The following ACYP2 variants were observed in gnomAD, a reference collection of about 807,000 sequenced individuals.
ACYP2 encodes the protein acylphosphatase 2.
Under a neutral mutation model 11.2 loss-of-function variants are expected in ACYP2, and 12 were observed. The ratio of observed to expected loss-of-function variants is 1.08; its 90% CI spans 0.69 to 1.74. The LOEUF (loss-of-function observed/expected upper bound fraction) is 1.74, where lower values mean the gene tolerates loss of function less well. Ranked by LOEUF, ACYP2 falls within the 40% of genes most tolerant of loss-of-function variation. ACYP2 has a pLI of 0.00. For synonymous variants in ACYP2, 43 were observed against 32.2 expected (o/e 1.33, Z -1.13); for missense variants, 134 against 101.9 (o/e 1.31, Z -1.35).
intron 6 of ACYP2, among the ~76,000 whole-genome samples, chr2:54,167,795 G>T (rs1683057610): frequency 6.6e-6 from 1 of 152,204 alleles, no homozygotes; most frequent in African/African-American, 2.4e-5. Context: ...TCAGAGGGAA[G>T]AGAGTTGTGT....
intron 6 of ACYP2, among the ~76,000 whole-genome samples, chr2:54,248,125 A>G (rs1453988296): frequency 6.6e-6 from 1 of 152,150 alleles, no homozygotes; most frequent in Non-Finnish European, 1.5e-5. Flanking sequence ...TTGCAAAGCA[A>G]CTCATTTATC....
chr2:54,240,171 C>T (rs778306023), intron 6 of ACYP2, among the ~76,000 whole-genome samples: 3 of 152,138 alleles, frequency 2.0e-5, no homozygotes. Flanking sequence ...ACTGAGAATG[C>T]CCATAGAGTC....
At chr2:54,099,225 G>T (rs977581634) in intron 4 of ACYP2, among the ~76,000 whole-genome samples, 6 of 152,176 alleles carry the variant, frequency 3.9e-5, no homozygotes, top group South Asian at 2.1e-4. Flanking sequence ...ATATGTTGCA[G>T]AATGGCCAAA....
intron 2 of ACYP2, among the ~76,000 whole-genome samples, chr2:53,978,851 A>G (rs1328625395): frequency 6.6e-6 from 1 of 152,186 alleles, no homozygotes; most frequent in Non-Finnish European, 1.5e-5. Context: ...TAAGCCTGGG[A>G]GGCAGAGGTT....
chr2:54,216,960 G>C (rs371802802), intron 6 of ACYP2, among the ~76,000 whole-genome samples: 1 of 152,158 alleles, frequency 6.6e-6, no homozygotes, highest in African/African-American at 2.4e-5. Context: ...ATGATTACTA[G>C]TGCAAATATA....
intron 4 of ACYP2, among the ~76,000 whole-genome samples, chr2:54,108,221 ACT>A (rs1572769398): frequency 6.6e-6 from 1 of 152,124 alleles, no homozygotes; most frequent in Admixed American, 6.5e-5. Context: ...GCTGGTGGAA[ACT>A]CTATCACATG....
At chr2:54,097,440 C>T (rs1037825190) in intron 4 of ACYP2, among the ~76,000 whole-genome samples, 8 of 152,272 alleles carry the variant, frequency 5.3e-5, no homozygotes, top group African/African-American at 1.7e-4. Context: ...GCCAGCACCA[C>T]TGTTCCCCAA....
At chr2:54,048,272 A>G (rs1675632890) in intron 2 of ACYP2, among the ~76,000 whole-genome samples, 1 of 152,058 alleles carries the variant, frequency 6.6e-6, no homozygotes, top group African/African-American at 2.4e-5. Flanking sequence ...TGAAAATAAA[A>G]AAAAGTCAGC....
intron 2 of ACYP2, among the ~76,000 whole-genome samples, chr2:53,979,679 A>G (rs1472990303): frequency 6.6e-6 from 1 of 151,948 alleles, no homozygotes; most frequent in African/African-American, 2.4e-5. Flanking sequence ...TCTGTACAGC[A>G]GTACAATGTG....
intron 6 of ACYP2, among the ~76,000 whole-genome samples, chr2:54,152,470 A>G (rs1266582585): frequency 6.6e-6 from 1 of 152,142 alleles, no homozygotes; most frequent in Non-Finnish European, 1.5e-5. Flanking sequence ...TGATAAATGT[A>G]TGATGGCATG....
chr2:54,201,682 C>CTTTCTTTCTT lies in ACYP2; in HGVS notation c.404+62935_404+62936insTTCTTTCTTT, dbSNP rs60217019. ...TCTTTCTTTCTTTCTTTCTTTCTTT[C>CTTTCTTTCTT]TCTCTCTCTCTCTCTCTTTTTTCTT... On this transcript the variant is annotated intron_variant, in intron 6 of 6. Transcript: ENST00000607452. 7.1e-3 allele frequency among the ~76,000 whole-genome samples: 788 copies of CTTTCTTTCTT among 110,742 alleles called. 3 individuals are homozygous for CTTTCTTTCTT. The highest frequency in any genetic ancestry group is 9.2e-3 in the Non-Finnish European group (496 of 53,874). 72.7% of individuals were successfully genotyped at this position (110,742 alleles called of 152,430 possible).
At chr2:54,253,604 C>T (rs534406022) in intron 6 of ACYP2, 1 of 152,244 alleles carries the variant, frequency 6.6e-6, no homozygotes, top group African/African-American at 2.4e-5. Flanking sequence ...TACTTCTCTT[C>T]CCATCATAAC....
intron 2 of ACYP2, among the ~76,000 whole-genome samples, chr2:54,038,061 A>G (rs2104560178): frequency 6.6e-6 from 1 of 152,342 alleles, no homozygotes; most frequent in East Asian, 1.9e-4. Context: ...CTTCCCTTAT[A>G]TAATAAGGAA....
At chr2:54,268,897 C>G (rs1254555195) in intron 6 of ACYP2, among the ~76,000 whole-genome samples, 3 of 152,020 alleles carry the variant, frequency 2.0e-5, no homozygotes, top group Admixed American at 6.6e-5. Flanking sequence ...CATGTCATAA[C>G]CTGAGAGTTT....
At chr2:54,168,022 G>T (rs1352709649) in intron 6 of ACYP2, among the ~76,000 whole-genome samples, 1 of 152,032 alleles carries the variant, frequency 6.6e-6, no homozygotes, top group Non-Finnish European at 1.5e-5. Context: ...AATTATTACT[G>T]TCATTTTTTA....
chr2:54,053,217 G>A (rs544281170), intron 3 of ACYP2, among the ~76,000 whole-genome samples: 8 of 152,274 alleles, frequency 5.3e-5, no homozygotes, highest in South Asian at 2.1e-4. Flanking sequence ...TAGGAGACCC[G>A]GACAGCATGG....
At chr2:54,023,831 G>T (rs1308365321) in intron 2 of ACYP2, among the ~76,000 whole-genome samples, 1 of 152,230 alleles carries the variant, frequency 6.6e-6, no homozygotes, top group South Asian at 2.1e-4. Flanking sequence ...AAAATGTCCA[G>T]GACCAGATGG....
chr2:53,990,230 C>T (rs956555225), intron 2 of ACYP2, among the ~76,000 whole-genome samples: 6 of 152,182 alleles, frequency 3.9e-5, no homozygotes, highest in Non-Finnish European at 7.4e-5. Flanking sequence ...TTACCCGCCT[C>T]GGCCTCTCAA....
intron 2 of ACYP2, among the ~76,000 whole-genome samples, chr2:54,037,525 C>T (rs893738784): frequency 6.6e-6 from 1 of 152,140 alleles, no homozygotes; most frequent in Non-Finnish European, 1.5e-5. Context: ...ATCCAACCAC[C>T]TCTGCCTCCT....
Sources: allele counts gnomAD v4.1 joint callset (sites outside exome capture counted in the v4.1 genomes callset), GRCh38; gene constraint gnomAD v4.1.1; transcripts MANE v1.5; gene names NCBI Gene and HGNC (gene_info 2026-07-23, HGNC 2026-07-21).